The following PTPRT variants were observed in gnomAD, a reference collection of about 807,000 sequenced individuals.
The protein encoded by PTPRT is receptor-type tyrosine-protein phosphatase T.
PTPRT carries 56 observed loss-of-function variants against 176.8 expected under a neutral mutation model. The ratio of observed to expected loss-of-function variants is 0.32; its 90% CI spans 0.26 to 0.40. The LOEUF (loss-of-function observed/expected upper bound fraction) is 0.40. PTPRT is among the 10% of genes least tolerant of loss of function. PTPRT has a pLI of 1.00. For missense variants in PTPRT, 1,540 were observed against 1,908.2 expected (o/e 0.81, Z 3.60); for synonymous variants, 783 against 739.0 (o/e 1.06, Z -0.96).
At chr20:43,066,571 A>G (rs2011113693) in intron 1 of PTPRT, among the ~76,000 whole-genome samples, 2 of 152,178 alleles carry the variant, frequency 1.3e-5, no homozygotes, top group African/African-American at 4.8e-5. Flanking sequence ...TTCTGGCTAC[A>G]TTCCTGTGTA....
intron 12 of PTPRT, among the ~76,000 whole-genome samples, chr20:42,291,644 A>G (rs2057318124): frequency 6.6e-6 from 1 of 152,134 alleles, no homozygotes; most frequent in Non-Finnish European, 1.5e-5. Context: ...AGTTAGACAC[A>G]GGAAGCATCA....
intron 7 of PTPRT, among the ~76,000 whole-genome samples, chr20:42,573,787 C>T (rs1242013972): frequency 7.7e-6 from 1 of 130,524 alleles, no homozygotes; most frequent in African/African-American, 2.9e-5. Flanking sequence ...CTCACTCTGT[C>T]ACCCAGGCTG....
intron 15 of PTPRT, among the ~76,000 whole-genome samples, chr20:42,230,028 A>G (rs2146830199): frequency 6.6e-6 from 1 of 152,310 alleles, no homozygotes; most frequent in East Asian, 1.9e-4. Context: ...CATCCTTAAG[A>G]CAAATTTGCT....
intron 6 of PTPRT, among the ~76,000 whole-genome samples, chr20:42,746,333 T>A (rs994605479): frequency 1.3e-5 from 2 of 152,174 alleles, no homozygotes; most frequent in Non-Finnish European, 2.9e-5. Context: ...AAAAAGCTAA[T>A]GGTGACGTTA....
At chr20:42,132,274 C>T (rs1407002319) in intron 18 of PTPRT, among the ~76,000 whole-genome samples, 1 of 152,176 alleles carries the variant, frequency 6.6e-6, no homozygotes, top group Non-Finnish European at 1.5e-5. Flanking sequence ...GTCAATTGAT[C>T]TCTCTTAGCT....
chr20:42,727,826 G>A (rs544032060), intron 6 of PTPRT, among the ~76,000 whole-genome samples: 2 of 152,216 alleles, frequency 1.3e-5, no homozygotes, highest in East Asian at 1.9e-4. Context: ...CAAGTCCAAC[G>A]TTCTTAGCTT....
intron 9 of PTPRT, among the ~76,000 whole-genome samples, chr20:42,399,303 T>A (rs1359057508): frequency 6.6e-6 from 1 of 152,236 alleles, no homozygotes; most frequent in Non-Finnish European, 1.5e-5. Context: ...TGTAACAGAT[T>A]ATCTATCACA....
intron 12 of PTPRT, among the ~76,000 whole-genome samples, chr20:42,294,975 T>C (rs1261449346): frequency 2.6e-5 from 4 of 152,098 alleles, no homozygotes; most frequent in African/African-American, 9.6e-5. Flanking sequence ...GGTGAAAAAG[T>C]GGTTTAAAAG....
chr20:42,151,085 A>G (rs75969338), intron 17 of PTPRT, among the ~76,000 whole-genome samples: 212 of 151,942 alleles, frequency 1.4e-3, no homozygotes, highest in African/African-American at 4.9e-3. Flanking sequence ...GTCCACTTGT[A>G]GAAATCATTC....
At chr20:43,061,087 AATGG>A (rs3030304) in intron 1 of PTPRT, among the ~76,000 whole-genome samples, 4,642 of 149,990 alleles carry the variant, frequency 0.031, 128 homozygotes, top group South Asian at 0.072. Context: ...CGGATAAATG[AATGG>A]ATGGATGGAT....
In PTPRT at chr20:43,077,359, C is replaced by T. The variant is rs1259372887; in HGVS notation, c.88+112287G>A. On this transcript the variant is annotated intron_variant, in intron 1 of 30. Transcript: ENST00000373187. ...AAGTGACAAAGGATGAAGCTGAATC[C>T]AAGTGGAAATGGCAATGTCCACATC... 1.6e-4 allele frequency among the ~76,000 whole-genome samples: 25 copies of T among 152,174 alleles called. 1 individual carries two copies. The highest frequency in any genetic ancestry group is 1.6e-3 in the Admixed American group (25 of 15,278).
intron 1 of PTPRT, among the ~76,000 whole-genome samples, chr20:43,168,369 C>T (rs576908878): frequency 6.6e-6 from 1 of 152,160 alleles, no homozygotes; most frequent in African/African-American, 2.4e-5. Context: ...TCTTGCCTCA[C>T]ATCAGGAATG....
intron 6 of PTPRT, among the ~76,000 whole-genome samples, chr20:42,679,470 T>C (rs1215191724): frequency 6.6e-6 from 1 of 152,172 alleles, no homozygotes; most frequent in African/African-American, 2.4e-5. Flanking sequence ...ATATATTTGT[T>C]ATTTTTATTT....
At chr20:42,510,311 C>T (rs1206728718) in intron 7 of PTPRT, among the ~76,000 whole-genome samples, 1 of 152,012 alleles carries the variant, frequency 6.6e-6, no homozygotes, top group African/African-American at 2.4e-5. Context: ...GTCCTACAGC[C>T]CTTCCCTACC....
intron 13 of PTPRT, among the ~76,000 whole-genome samples, chr20:42,268,060 GCTCT>G (rs2146989336): frequency 6.6e-6 from 1 of 152,280 alleles, no homozygotes; most frequent in Admixed American, 6.5e-5. Context: ...TGGTCCTGCA[GCTCT>G]CTGAGTTGGT....
rs1353106323 is a variant in PTPRT, at chr20:42,166,755, C to G, written c.2492-5213G>C. 2.0e-5 allele frequency among the ~76,000 whole-genome samples: 3 copies of G among 152,038 alleles called. No individual in the cohort carries two copies. The East Asian group carries it at 5.8e-4, about 29-fold the overall frequency. Reference sequence around the variant, plus strand: ...CCAACATGGTGAAACCCCATCTCTACTAAAAGTACAAAAAAATTAGCCAGG... The same window carrying G: ...CCAACATGGTGAAACCCCATCTCTAGTAAAAGTACAAAAAAATTAGCCAGG... On this transcript the variant is annotated intron_variant, in intron 16 of 30. Transcript: ENST00000373187.
chr20:42,107,733 C>T (rs1986598592), intron 23 of PTPRT, among the ~76,000 whole-genome samples: 1 of 152,218 alleles, frequency 6.6e-6, no homozygotes, highest in South Asian at 2.1e-4. Context: ...GTTTTCACAT[C>T]TTGCCTTTCT....
At chr20:42,171,467 T>C (rs556354398) in intron 16 of PTPRT, among the ~76,000 whole-genome samples, 9 of 152,272 alleles carry the variant, frequency 5.9e-5, no homozygotes, top group Admixed American at 2.6e-4. Context: ...TCACTAGGAA[T>C]AAAAGTATAT....
Position 42,756,656 on chromosome 20 carries a change from A to G in PTPRT, c.685-20T>C, listed in dbSNP as rs754470185. 2 of 1,538,658 alleles carry G rather than the reference A, an allele frequency of 1.3e-6. No individual in the cohort carries two copies. The highest frequency in any genetic ancestry group is 2.7e-5 in the African/African-American group (2 of 72,878). ...CCATTGCTGCAGAACAGAGGAAGAG[A>G]GGGAGAGGAGGAATCATAGCATCAT... is the stretch of plus-strand genomic sequence containing the variant. On this transcript the variant is annotated intron_variant, in intron 5 of 30. Coordinates refer to ENST00000373187, the MANE Select transcript of PTPRT (RefSeq NM_007050.6).
Sources: allele counts gnomAD v4.1 joint callset (sites outside exome capture counted in the v4.1 genomes callset), GRCh38; gene constraint gnomAD v4.1.1; transcripts MANE v1.5; gene names NCBI Gene and HGNC (gene_info 2026-07-23, HGNC 2026-07-21).